The following GRAMD1B variants were observed in gnomAD, a reference collection of about 807,000 sequenced individuals.
GRAMD1B encodes GRAM domain containing 1B, also known as protein Aster-B.
Under a neutral mutation model 99.7 loss-of-function variants are expected in GRAMD1B, and 37 were observed. The ratio of observed to expected loss-of-function variants is 0.37; its 90% CI spans 0.29 to 0.49. The LOEUF (loss-of-function observed/expected upper bound fraction) is 0.49, where lower values mean the gene tolerates loss of function less well. Among genes scored for constraint, GRAMD1B ranks in the 20% least tolerant of loss-of-function variants. The probability of loss-of-function intolerance (pLI) is 0.98; values close to 1 mark genes in which losing one functional copy is unlikely to be tolerated. For missense variants in GRAMD1B, 888 were observed against 1,009.2 expected (o/e 0.88, Z 1.63); for synonymous variants, 427 against 387.6 (o/e 1.10, Z -1.19).
Position 123,490,598 on chromosome 11 carries a change from A to G in GRAMD1B, c.452+9705A>G, listed in dbSNP as rs1938441243. Among the ~76,000 whole-genome samples, 3 of 152,214 alleles carry G rather than the reference A, an allele frequency of 2.0e-5. No individual in the cohort carries two copies. In the South Asian group the frequency reaches 6.2e-4, roughly 31 times the overall value. ...TCTTGGAATGTGGATGGTGATAGTG[A>G]AAAAAAGAAGCAGACAAATTCAAGA... On this transcript the variant is annotated intron_variant, in intron 2 of 19. Coordinates refer to ENST00000635736, the MANE Select transcript of GRAMD1B (RefSeq NM_001387025.1).
rs984273458 is a variant in GRAMD1B at position 123,482,464 on chromosome 11, C to T, written c.452+1571C>T. On this transcript the variant is annotated intron_variant, in intron 2 of 19. Transcript: ENST00000635736. ...TATTTATGTTAGAAAAGATTTATTT[C>T]GCAAGTGTAGAATTGCCGCAGGGAG... is the stretch of plus-strand genomic sequence containing the variant. 3.3e-5 allele frequency among the ~76,000 whole-genome samples: 5 copies of T among 152,204 alleles called. No homozygotes were observed. The East Asian group carries it at 5.8e-4, about 18-fold the overall frequency.
chr11:123,538,704 C>T (rs1944206552), intron 2 of GRAMD1B, among the ~76,000 whole-genome samples: 1 of 152,060 alleles, frequency 6.6e-6, no homozygotes, highest in African/African-American at 2.4e-5. Flanking sequence ...ACTGCAACCT[C>T]TGCTTCCCGG....
At chr11:123,555,875 A>G (rs1946128594) in intron 2 of GRAMD1B, among the ~76,000 whole-genome samples, 1 of 151,740 alleles carries the variant, frequency 6.6e-6, no homozygotes, top group Non-Finnish European at 1.5e-5. Flanking sequence ...CTGGGATTAT[A>G]GGCGCCCACC....
intron 4 of GRAMD1B, among the ~76,000 whole-genome samples, chr11:123,590,252 G>C (rs887072894): frequency 5.9e-5 from 9 of 152,186 alleles, no homozygotes; most frequent in Non-Finnish European, 1.0e-4. Context: ...CCACCAGCGT[G>C]TCTGAAACTG....
intron 2 of GRAMD1B, among the ~76,000 whole-genome samples, chr11:123,484,078 G>A (rs1449437163): frequency 1.3e-5 from 2 of 152,138 alleles, no homozygotes; most frequent in Non-Finnish European, 2.9e-5. Context: ...TTTCTAGATT[G>A]CAGCAATCAT....
chr11:123,615,995 T>G lies in GRAMD1B; in HGVS notation c.2318+1160T>G, dbSNP rs547840989. Among the ~76,000 whole-genome samples the G allele has an allele frequency of 4.6e-5, 7 of 152,278 alleles. No homozygotes were observed. In the East Asian group the frequency reaches 1.4e-3, roughly 29 times the overall value. On this transcript the variant is annotated intron_variant, in intron 17 of 19. Transcript: ENST00000635736. ...ATGCAAAATTCTTCTGATGACAGCA[T>G]AAGAAACGAAGATATTTTTACAAAA...
In GRAMD1B at chr11:123,609,785, C is replaced by T. The variant is rs1953289671; in HGVS notation, c.1658-10C>T. On this transcript the variant is annotated splice_polypyrimidine_tract_variant and intron_variant, in intron 12 of 19. Transcript: ENST00000635736. The stretch of plus-strand genomic sequence containing the variant: ...CCCTTCCTCATTCCAGGGCTCTCCT[C>T]TACCCTTAGATATCATCTTCCATCC... 6.8e-7 allele frequency: 1 copy of T among 1,474,226 alleles called. No individual in the cohort carries two copies. Among genetic ancestry groups the T allele is most frequent in the Non-Finnish European group, 9.4e-7 (1 of 1,066,588 alleles). 91.3% of individuals were successfully genotyped at this position (1,474,226 alleles called of 1,614,324 possible).
chr11:123,440,475 C>T (rs1366037119), intron 1 of GRAMD1B, among the ~76,000 whole-genome samples: 1 of 152,122 alleles, frequency 6.6e-6, no homozygotes, highest in Non-Finnish European at 1.5e-5. Context: ...CGCCACTGCA[C>T]TCCAGCCTGG....
At chr11:123,382,547 GC>G (rs11290691) in intron 1 of GRAMD1B, among the ~76,000 whole-genome samples, 13,979 of 152,158 alleles carry the variant, frequency 0.092, 1,492 homozygotes, top group African/African-American at 0.26. Context: ...TGAAGACCTT[GC>G]AGTTGCTTGA....
intron 2 of GRAMD1B, among the ~76,000 whole-genome samples, chr11:123,511,745 A>G (rs1271188683): frequency 6.6e-6 from 1 of 152,054 alleles, no homozygotes; most frequent in Non-Finnish European, 1.5e-5. Flanking sequence ...TATGGAGGAG[A>G]GAATGAGAGA....
chr11:123,600,172 G>A (rs778644310), intron 7 of GRAMD1B, among the ~76,000 whole-genome samples: 36 of 152,280 alleles, frequency 2.4e-4, no homozygotes, highest in Admixed American at 3.9e-4. Flanking sequence ...CCAGTAGGTG[G>A]GTGAGGGACA....
At chr11:123,572,749 C>A (rs1256671061) in intron 2 of GRAMD1B, among the ~76,000 whole-genome samples, 1 of 152,192 alleles carries the variant, frequency 6.6e-6, no homozygotes, top group Non-Finnish European at 1.5e-5. Flanking sequence ...TGCAGACAGA[C>A]CCCAATGGCT....
chr11:123,431,579 T>C (rs976930674), intron 1 of GRAMD1B, among the ~76,000 whole-genome samples: 1 of 152,244 alleles, frequency 6.6e-6, no homozygotes, highest in Admixed American at 6.5e-5. Context: ...ATGGCTCCCT[T>C]TCTACAGAAG....
intron 1 of GRAMD1B, among the ~76,000 whole-genome samples, chr11:123,405,973 G>C (rs1947840678): frequency 6.6e-6 from 1 of 151,208 alleles, no homozygotes; most frequent in Non-Finnish European, 1.5e-5. Flanking sequence ...GGGTTACATC[G>C]TGCTTCTTAT....
Position 123,438,753 on chromosome 11 carries a change from C to T in GRAMD1B, c.374+7587C>T, listed in dbSNP as rs112339194. Among the ~76,000 whole-genome samples the T allele has an allele frequency of 3.5e-3, 533 of 152,262 alleles. 5 individuals are homozygous for T. The highest frequency in any genetic ancestry group is 0.012 in the African/African-American group (480 of 41,540). ...GCAGATGCACAGGTGATCTTTCTGT[C>T]CTAGTTGGTGCATTTCTCCCAGGTA... On this transcript the variant is annotated intron_variant, in intron 1 of 19. Transcript: ENST00000635736.
rs553639693 is a variant in GRAMD1B, at chr11:123,447,476, G to T, written c.374+16310G>T. 2.0e-5 allele frequency among the ~76,000 whole-genome samples: 3 copies of T among 152,176 alleles called. No individual in the cohort carries two copies. In the South Asian group the frequency reaches 6.2e-4, roughly 31 times the overall value. ...TCAGGCAGTGAGTCATGACGCTCAG[G>T]CTGGGCCCCTCCATCTGTGGGGACA... On this transcript the variant is annotated intron_variant, in intron 1 of 19. Coordinates refer to ENST00000635736, the MANE Select transcript of GRAMD1B (RefSeq NM_001387025.1).
At chr11:123,483,096 A>G (rs541359928) in intron 2 of GRAMD1B, among the ~76,000 whole-genome samples, 1 of 152,170 alleles carries the variant, frequency 6.6e-6, no homozygotes, top group South Asian at 2.1e-4. Flanking sequence ...AGATTTTTAG[A>G]TATCTGAAAG....
At position 123,600,489 on chromosome 11, in the gene GRAMD1B, G is replaced by A. The variant is rs753231387; in HGVS notation, c.991G>A (p.Ala331Thr). The A allele has an allele frequency of 1.2e-6, 2 of 1,610,496 alleles. No homozygotes were observed. Among genetic ancestry groups the A allele is most frequent in the Non-Finnish European group, 1.7e-6 (2 of 1,177,292 alleles). The change falls in exon 8 of 20, where the codon GCC becomes ACC. Residue 331 changes from alanine to threonine, a missense_variant. This residue lies in a region of GRAMD1B where 269 missense variants were observed against 296.6 expected (regional missense o/e 0.91). Coordinates refer to ENST00000635736, the MANE Select transcript of GRAMD1B (RefSeq NM_001387025.1). ...SEKHFFTSFG[A>T]RDRTYMMMFR... Reference sequence around the variant, plus strand: ...CTAGCACTTCTTCACTTCGTTTGGGGCCCGGGATAGGACATATATGATGAT... The same window carrying A: ...CTAGCACTTCTTCACTTCGTTTGGGACCCGGGATAGGACATATATGATGAT...
At chr11:123,506,195 G>A (rs1940406640) in intron 2 of GRAMD1B, among the ~76,000 whole-genome samples, 1 of 152,154 alleles carries the variant, frequency 6.6e-6, no homozygotes, top group Non-Finnish European at 1.5e-5. Flanking sequence ...GATGTGACCA[G>A]GGTTTGAAAC....
Sources: gnomAD v4.1 joint callset for allele counts (sites outside exome capture counted in the v4.1 genomes callset) on GRCh38, gnomAD v4.1.1 for gene constraint, gnomAD v4.1.1 regional missense constraint, MANE v1.5 for transcripts, NCBI Gene and HGNC (gene_info 2026-07-23, HGNC 2026-07-21) for gene names.